KIF27: variants seen among roughly 807,000 people sequenced by gnomAD.
KIF27 encodes the protein kinesin family member 27, also known as kinesin-like protein KIF27.
A neutral mutation model predicts 141.8 loss-of-function variants in KIF27; 84 were observed. That is an observed-to-expected ratio of 0.59 (90% CI 0.50 to 0.71). The LOEUF (loss-of-function observed/expected upper bound fraction) is 0.71. KIF27 is among the 30% of genes least tolerant of loss of function. The pLI is 0.00. For synonymous variants in KIF27, 471 were observed against 569.5 expected, an observed-to-expected ratio of 0.83 and a Z score of 2.46; for missense variants, 1,306 against 1,628.4, an observed-to-expected ratio of 0.80 and a Z score of 3.41.
At chr9:83,878,163 A>G (rs1168289727) in intron 11 of KIF27, among the ~76,000 whole-genome samples, 1 of 80,822 alleles carries the variant, frequency 1.2e-5, no homozygotes, top group African/African-American at 7.9e-5. Flanking sequence ...CTCTGTCTCA[A>G]AAAAAAAAAA....
At chr9:83,848,444 C>CTA (rs1238525113) in intron 16 of KIF27, among the ~76,000 whole-genome samples, 2 of 135,800 alleles carry the variant, frequency 1.5e-5, no homozygotes, top group Non-Finnish European at 3.1e-5. Context: ...ATCATATATG[C>CTA]TATATGTATA....
chr9:83,848,324 T>TATGATATATATG (rs1948029775), intron 16 of KIF27, among the ~76,000 whole-genome samples: 1 of 93,784 alleles, frequency 1.1e-5, no homozygotes, highest in African/African-American at 4.4e-5. Context: ...ATCATATATC[T>TATGATATATATG]ATATATCTAT....
chr9:83,858,956 C>A (rs139102380), intron 14 of KIF27, 200 bp downstream of exon 14: 146 of 588,612 alleles, frequency 2.5e-4, no homozygotes, highest in African/African-American at 2.5e-3. Flanking sequence ...TGTCCATGGA[C>A]CACTATGTAA....
chr9:83,867,979 C>G (rs35190905), intron 12 of KIF27, 119 bp from the exon 13 acceptor site: 3 of 1,123,410 alleles, frequency 2.7e-6, no homozygotes, highest in Non-Finnish European at 2.4e-6. Flanking sequence ...AACTATCACT[C>G]AGAGTAACTC....
chr9:83,918,842 G>A (rs1055266842), intron 1 of KIF27, among the ~76,000 whole-genome samples: 5 of 152,076 alleles, frequency 3.3e-5, no homozygotes, highest in African/African-American at 4.8e-5. Context: ...TTGGGAGGCC[G>A]AGGTGGGAGG....
intron 5 of KIF27, among the ~76,000 whole-genome samples, chr9:83,892,447 A>G (rs903280904): frequency 6.6e-6 from 1 of 152,268 alleles, no homozygotes. Context: ...GAGTAAAACT[A>G]TAACTTCTAA....
chr9:83,887,200 T>C lies in KIF27; in HGVS notation c.2084-4A>G. The C allele has an allele frequency of 2.2e-6, 3 of 1,390,402 alleles. No individual in the cohort carries two copies. The highest frequency in any genetic ancestry group is 1.5e-5 in the South Asian group (1 of 66,408). The allele number at this position is 1,390,402 out of a possible 1,614,324, so 86.1% of individuals were successfully genotyped here. On this transcript the variant is annotated splice_region_variant and splice_polypyrimidine_tract_variant and intron_variant, in intron 8 of 17. Coordinates refer to ENST00000297814, the MANE Select transcript of KIF27 (RefSeq NM_017576.4). ...TGGAGACAATCAATCTTTAAATCTT[T>C]AAAAAAAAATGGAGAAATAAAACTA...
Position 83,836,532 on chromosome 9 carries a change from T to C in KIF27, c.*469A>G, listed in dbSNP as rs1945859259. 6.6e-6 allele frequency among the ~76,000 whole-genome samples: 1 copy of C among 152,150 alleles called. No homozygotes were observed. Among genetic ancestry groups the C allele is most frequent in the Non-Finnish European group, 1.5e-5 (1 of 68,024 alleles). ...AATCCATAAAGCTGAGAGGTTGTCT[T>C]AGCCCACATATGCAGCAGGTGACTC... On this transcript the variant is annotated 3_prime_UTR_variant, in exon 18 of 18. Coordinates refer to ENST00000297814, the MANE Select transcript of KIF27 (RefSeq NM_017576.4).
At chr9:83,902,275 C>T (rs7875289) in intron 4 of KIF27, among the ~76,000 whole-genome samples, 102,758 of 152,016 alleles carry the variant, frequency 0.68, 35,299 homozygotes, top group African/African-American at 0.81. Context: ...AGTTTTTCTA[C>T]TTTGAAAAAT....
Position 83,858,878 on chromosome 9 carries a change from C to T in KIF27, c.3150+278G>A, listed in dbSNP as rs541797394. The T allele has an allele frequency of 7.1e-6, 3 of 420,652 alleles. No individual in the cohort carries two copies. The East Asian group carries it at 1.4e-4, about 19-fold the overall frequency. 26.1% of individuals were successfully genotyped at this position (420,652 alleles called of 1,614,324 possible). A position where few individuals can be genotyped will look rare whatever the true frequency, so the allele number is the denominator to read the frequency against. ...TGTGATTTCAGACGAGAAACCCCAG[C>T]TGAGGAGGCAAATATACTCAAGGAA... On this transcript the variant is annotated intron_variant, in intron 14 of 17. Transcript: ENST00000297814.
intron 16 of KIF27, among the ~76,000 whole-genome samples, chr9:83,846,710 C>G (rs1198394285): frequency 6.6e-6 from 1 of 152,158 alleles, no homozygotes; most frequent in Non-Finnish European, 1.5e-5. Context: ...CCTAGTGATC[C>G]ATTAGCAACA....
At chr9:83,863,532 G>A (rs1168660326) in intron 13 of KIF27, 1 of 152,212 alleles carries the variant, frequency 6.6e-6, no homozygotes, top group Non-Finnish European at 1.5e-5. Context: ...AAGCCCACTT[G>A]ATCATGGTGG....
At chr9:83,888,805 A>G (rs1952373416) in intron 7 of KIF27, among the ~76,000 whole-genome samples, 1 of 146,106 alleles carries the variant, frequency 6.8e-6, no homozygotes, top group African/African-American at 2.6e-5. Flanking sequence ...TGGCAGCAGA[A>G]TAAGGAAATC....
chr9:83,889,939 CAAT>C (rs1952507737), intron 6 of KIF27, among the ~76,000 whole-genome samples: 1 of 152,172 alleles, frequency 6.6e-6, no homozygotes, highest in East Asian at 1.9e-4. Flanking sequence ...AAAACAACAA[CAAT>C]AAATTAGAAA....
At chr9:83,841,156 C>T (rs527695500) in intron 17 of KIF27, among the ~76,000 whole-genome samples, 14 of 152,146 alleles carry the variant, frequency 9.2e-5, no homozygotes, top group South Asian at 6.2e-4. Flanking sequence ...CTGCAACCTC[C>T]GCCTCCCGGG....
In KIF27 at chr9:83,891,396, C is replaced by T. The variant is rs1952665491; in HGVS notation, c.1708G>A (p.Gly570Arg). The change falls in exon 6 of 18, where the codon GGG (glycine) becomes AGG (arginine). Residue 570 changes from glycine (G) to arginine (R), a missense_variant. Around this residue, in one of 4 missense-constraint regions of KIF27, gnomAD observed 596 missense variants for 751.6 expected, o/e 0.79. Transcript: ENST00000297814. ...CTTTCAGGGATCCTGGCATCTGGCCCATCTCCACAATTTTCTTTAGCTGAA... is the reference window on the plus strand; with the variant it reads ...CTTTCAGGGATCCTGGCATCTGGCCTATCTCCACAATTTTCTTTAGCTGAA... ...TSSAKENCGDGPDARIPERRP... is the reference protein window; with the variant it reads ...TSSAKENCGDRPDARIPERRP... The T allele has an allele frequency of 3.1e-6, 5 of 1,613,718 alleles. No individual in the cohort carries two copies. The South Asian group carries it at 4.4e-5, about 14-fold the overall frequency.
chr9:83,836,989 A>C lies in KIF27; in HGVS notation c.*12T>G, dbSNP rs764316964. On this transcript the variant is annotated 3_prime_UTR_variant, in exon 18 of 18. Transcript: ENST00000297814. ...TTTTTACATATCTACTAAAAGTTCT[A>C]TTATTCAATGTCTAAGTTTTTAAGT... 6.2e-7 allele frequency: 1 copy of C among 1,610,186 alleles called. No individual in the cohort carries two copies. The highest frequency in any genetic ancestry group is 1.7e-5 in the Admixed American group (1 of 58,816).
chr9:83,913,118 T>C (rs773791063), intron 2 of KIF27, among the ~76,000 whole-genome samples: 2 of 152,128 alleles, frequency 1.3e-5, no homozygotes, highest in Non-Finnish European at 2.9e-5. Context: ...TGAGCTGTGA[T>C]TGTGCCACTG....
rs1161430845 is a variant in KIF27, at chr9:83,839,086, G to C, written c.3722-1601C>G. 4.6e-5 allele frequency among the ~76,000 whole-genome samples: 7 copies of C among 152,114 alleles called. No individual in the cohort carries two copies. In the South Asian group the frequency reaches 1.2e-3, roughly 27 times the overall value. On this transcript the variant is annotated intron_variant, in intron 17 of 17. Transcript: ENST00000297814. ...GAGGTGGGAGGATTGCTCAAGCACAGGAGTTTGAGGCTACAGTGAGCCATG... is the reference window on the plus strand; with the variant it reads ...GAGGTGGGAGGATTGCTCAAGCACACGAGTTTGAGGCTACAGTGAGCCATG...
Sources: gnomAD v4.1 joint callset for allele counts (sites outside exome capture counted in the v4.1 genomes callset) on GRCh38, gnomAD v4.1.1 for gene constraint, gnomAD v4.1.1 regional missense constraint, MANE v1.5 for transcripts, NCBI Gene and HGNC (gene_info 2026-07-23, HGNC 2026-07-21) for gene names.